Variants in EPHB1 observed in about 807,000 individuals in gnomAD.
The protein encoded by EPHB1 is ephrin type-B receptor 1.
In EPHB1, 30 loss-of-function variants were observed where a neutral mutation model predicts 94.4. The ratio of observed to expected loss-of-function variants is 0.32; its 90% CI spans 0.24 to 0.43. The LOEUF is 0.43. Ranked by LOEUF, EPHB1 falls within the 20% of genes least tolerant of loss-of-function variation. EPHB1 has a pLI of 1.00. For missense variants in EPHB1, 1,055 were observed against 1,308.3 expected (o/e 0.81, Z 2.99); for synonymous variants, 522 against 489.1 (o/e 1.07, Z -0.89).
At chr3:135,073,828 G>A (rs140080546) in intron 3 of EPHB1, among the ~76,000 whole-genome samples, 14 of 151,844 alleles carry the variant, frequency 9.2e-5, no homozygotes, top group Middle Eastern at 3.4e-3. Flanking sequence ...CCTATGGAGC[G>A]TTCCATAGTC....
chr3:135,139,968 T>G (rs1019048556), intron 5 of EPHB1, among the ~76,000 whole-genome samples: 13 of 152,054 alleles, frequency 8.5e-5, no homozygotes, highest in Admixed American at 7.9e-4. Context: ...TGCTAATAGC[T>G]CCAGAACAGC....
At chr3:135,057,830 A>G (rs1244112759) in intron 3 of EPHB1, among the ~76,000 whole-genome samples, 3 of 152,248 alleles carry the variant, frequency 2.0e-5, no homozygotes, top group Admixed American at 6.5e-5. Flanking sequence ...AAACCTAGCC[A>G]GCGGGATTGA....
At chr3:134,872,459 C>T (rs2037520212) in intron 1 of EPHB1, among the ~76,000 whole-genome samples, 1 of 152,144 alleles carries the variant, frequency 6.6e-6, no homozygotes, top group African/African-American at 2.4e-5. Context: ...GCAGAATTTG[C>T]CATTTTCATG....
At chr3:135,099,325 ATGGATGGACG>A (rs1938941984) in intron 3 of EPHB1, among the ~76,000 whole-genome samples, 1 of 130,420 alleles carries the variant, frequency 7.7e-6, no homozygotes, top group Non-Finnish European at 1.7e-5. Flanking sequence ...GGATGGACGG[ATGGATGGACG>A]GATGGATGGA....
At chr3:134,918,985 A>G (rs2038624002) in intron 1 of EPHB1, among the ~76,000 whole-genome samples, 1 of 152,208 alleles carries the variant, frequency 6.6e-6, no homozygotes, top group African/African-American at 2.4e-5. Flanking sequence ...CAGCTGCATG[A>G]AGAGCAACCG....
rs942352558 is a variant in EPHB1, at chr3:134,795,699, C to T, written c.58+10C>T. On this transcript the variant is annotated intron_variant, in intron 1 of 15. Coordinates refer to ENST00000398015, the MANE Select transcript of EPHB1 (RefSeq NM_004441.5). ...GTGGCTGCGATGGAAGGTAACGTACCCTCCACGGAGCAAGTTGGCTGCTGG... is the reference window on the plus strand; with the variant it reads ...GTGGCTGCGATGGAAGGTAACGTACTCTCCACGGAGCAAGTTGGCTGCTGG... 7.5e-6 allele frequency: 12 copies of T among 1,608,882 alleles called. No homozygotes were observed. In the African/African-American group the frequency reaches 1.5e-4, roughly 20 times the overall value.
At chr3:135,179,752 G>A in intron 9 of EPHB1, 108 bp from the exon 10 acceptor site, 2 of 1,372,600 alleles carry the variant, frequency 1.5e-6, no homozygotes, top group Non-Finnish European at 2.0e-6. Context: ...AGCCTGGTGT[G>A]TAGGAGAGCT....
intron 3 of EPHB1, among the ~76,000 whole-genome samples, chr3:135,014,167 T>G (rs1935715411): frequency 6.6e-6 from 1 of 152,176 alleles, no homozygotes; most frequent in Non-Finnish European, 1.5e-5. Context: ...GCTACCTGGA[T>G]GCTCCTGACT....
intron 3 of EPHB1, among the ~76,000 whole-genome samples, chr3:135,028,326 A>T (rs1936274259): frequency 2.8e-5 from 4 of 142,904 alleles, no homozygotes; most frequent in African/African-American, 1.1e-4. Context: ...TAGGGTGTCA[A>T]TTTTTGATCT....
chr3:135,241,163 G>T lies in EPHB1; in HGVS notation c.2362G>T (p.Val788Leu). 1 of 1,614,220 alleles carries T rather than the reference G, an allele frequency of 6.2e-7. No homozygotes were observed. The highest frequency in any genetic ancestry group is 8.5e-7 in the Non-Finnish European group (1 of 1,180,042). Residue 788 changes from valine to leucine, a missense_variant, in exon 13 of 16, where the codon GTG (valine) becomes TTG (leucine). Physicochemically the swap from Val to Leu is conservative, Grantham distance 32. Coordinates refer to ENST00000398015, the MANE Select transcript of EPHB1 (RefSeq NM_004441.5). ...CTTCTTTCAGGGAGGGAAGATCCCT[G>T]TGAGATGGACAGCTCCAGAGGCCAT... Reference protein sequence around the residue: ...YTSSLGGKIPVRWTAPEAIAY... With the variant: ...YTSSLGGKIPLRWTAPEAIAY...
intron 1 of EPHB1, among the ~76,000 whole-genome samples, chr3:134,919,099 G>A (rs2038626625): frequency 6.6e-6 from 1 of 152,176 alleles, no homozygotes; most frequent in Non-Finnish European, 1.5e-5. Context: ...TAATGAAAAG[G>A]AATACGCATC....
intron 1 of EPHB1, among the ~76,000 whole-genome samples, chr3:134,910,641 G>C (rs762840305): frequency 2.0e-5 from 3 of 152,194 alleles, no homozygotes; most frequent in Non-Finnish European, 4.4e-5. Flanking sequence ...CTGACAAGAA[G>C]GGGTAGAATG....
intron 13 of EPHB1, among the ~76,000 whole-genome samples, chr3:135,242,607 C>A (rs549587153): frequency 9.2e-4 from 140 of 152,262 alleles, no homozygotes; most frequent in Middle Eastern, 6.8e-3. Flanking sequence ...GTCCTGAAGT[C>A]AACTATGGCT....
chr3:135,006,290 A>G (rs1249235971), intron 3 of EPHB1, among the ~76,000 whole-genome samples: 3 of 152,238 alleles, frequency 2.0e-5, no homozygotes, highest in Non-Finnish European at 4.4e-5. Flanking sequence ...GCAAATTCAT[A>G]GAGACAGAAA....
intron 3 of EPHB1, among the ~76,000 whole-genome samples, chr3:135,011,580 C>T (rs890856301): frequency 1.3e-5 from 2 of 152,176 alleles, no homozygotes; most frequent in Admixed American, 1.3e-4. Flanking sequence ...CTGCCTGCTT[C>T]ATACTCTGTT....
chr3:134,949,971 G>T (rs1932952087), intron 2 of EPHB1, among the ~76,000 whole-genome samples: 1 of 152,060 alleles, frequency 6.6e-6, no homozygotes, highest in African/African-American at 2.4e-5. Context: ...AACCCTCATT[G>T]CCTGTTATTG....
chr3:134,882,187 G>A (rs765052869), intron 1 of EPHB1, among the ~76,000 whole-genome samples: 7 of 152,162 alleles, frequency 4.6e-5, no homozygotes, highest in African/African-American at 7.2e-5. Flanking sequence ...GGTGAATCAA[G>A]CCTCATCCTA....
At chr3:135,093,928 G>A (rs1576377868) in intron 3 of EPHB1, among the ~76,000 whole-genome samples, 1 of 152,120 alleles carries the variant, frequency 6.6e-6, no homozygotes, top group South Asian at 2.1e-4. Flanking sequence ...TTTCTTGATG[G>A]GGTCATGATT....
intron 1 of EPHB1, among the ~76,000 whole-genome samples, chr3:134,865,076 G>A (rs1421492068): frequency 1.3e-5 from 2 of 152,118 alleles, no homozygotes; most frequent in Non-Finnish European, 2.9e-5. Context: ...ATACGTGTGT[G>A]TGTGTGTGTG....
Sources: allele counts gnomAD v4.1 joint callset (sites outside exome capture counted in the v4.1 genomes callset), GRCh38; gene constraint gnomAD v4.1.1; transcripts MANE v1.5; gene names NCBI Gene and HGNC (gene_info 2026-07-23, HGNC 2026-07-21).